Variants in UBTD2 observed in about 807,000 individuals in gnomAD.
UBTD2 encodes the protein ubiquitin domain-containing protein 2.
Under a neutral mutation model 19.8 loss-of-function variants are expected in UBTD2, and 9 were observed. The observed-to-expected ratio is 0.46, with a 90% CI of 0.27 to 0.79. The LOEUF is 0.79. Among genes scored for constraint, UBTD2 ranks in the 30% least tolerant of loss-of-function variants. UBTD2 has a pLI of 0.14. For synonymous variants in UBTD2, 98 were observed against 103.9 expected (o/e 0.94, Z 0.35); for missense variants, 250 against 300.4 (o/e 0.83, Z 1.24).
At chr5:172,214,006 G>C (rs1217427032) in intron 2 of UBTD2, among the ~76,000 whole-genome samples, 2 of 152,198 alleles carry the variant, frequency 1.3e-5, no homozygotes, top group Admixed American at 6.5e-5. Context: ...GGCTGTTCTT[G>C]AACTCCTGAC....
chr5:172,275,916 T>G (rs917643233), intron 1 of UBTD2, among the ~76,000 whole-genome samples: 1 of 152,220 alleles, frequency 6.6e-6, no homozygotes, highest in African/African-American at 2.4e-5. Flanking sequence ...ATTTTACTTC[T>G]CCTTTTCTCT....
At chr5:172,233,310 C>A (rs1223651328) in intron 2 of UBTD2, among the ~76,000 whole-genome samples, 1 of 152,010 alleles carries the variant, frequency 6.6e-6, no homozygotes, top group African/African-American at 2.4e-5. Flanking sequence ...TTACATAAAT[C>A]TGAAAAGACA....
intron 2 of UBTD2, among the ~76,000 whole-genome samples, chr5:172,231,518 A>G (rs900539042): frequency 6.6e-6 from 1 of 152,330 alleles, no homozygotes; most frequent in Middle Eastern, 3.4e-3. Context: ...TTCGGTCTTT[A>G]GTGATCTGAG....
At chr5:172,273,480 A>G (rs1444266064) in intron 1 of UBTD2, among the ~76,000 whole-genome samples, 1 of 149,332 alleles carries the variant, frequency 6.7e-6, no homozygotes, top group Non-Finnish European at 1.5e-5. Context: ...AATCCCGGCT[A>G]TTTCAGAGGC....
intron 1 of UBTD2, among the ~76,000 whole-genome samples, chr5:172,281,475 G>C (rs1354071611): frequency 6.6e-6 from 1 of 152,076 alleles, no homozygotes; most frequent in Non-Finnish European, 1.5e-5. Context: ...TCCAGCTTGG[G>C]CGATAAAGCA....
intron 1 of UBTD2, among the ~76,000 whole-genome samples, chr5:172,245,840 G>C (rs148634752): frequency 6.6e-6 from 1 of 152,338 alleles, no homozygotes; most frequent in African/African-American, 2.4e-5. Context: ...AGAACCACTA[G>C]CAACAAAAGG....
chr5:172,222,921 G>C (rs572693938), intron 2 of UBTD2, among the ~76,000 whole-genome samples: 35 of 152,164 alleles, frequency 2.3e-4, no homozygotes, highest in Non-Finnish European at 4.6e-4. Flanking sequence ...GATATTCTAG[G>C]TGCTAAGGTT....
At chr5:172,273,120 C>T (rs889678340) in intron 1 of UBTD2, among the ~76,000 whole-genome samples, 18 of 149,396 alleles carry the variant, frequency 1.2e-4, no homozygotes, top group Admixed American at 8.7e-4. Context: ...AAAATCTGTC[C>T]AAAGAAGAGG....
intron 1 of UBTD2, among the ~76,000 whole-genome samples, chr5:172,259,562 T>C (rs1755225149): frequency 1.3e-5 from 2 of 152,178 alleles, no homozygotes; most frequent in Admixed American, 6.6e-5. Context: ...ACTCTATGTA[T>C]ATATGTTGTA....
At chr5:172,227,761 A>G (rs1437289621) in intron 2 of UBTD2, among the ~76,000 whole-genome samples, 4 of 139,070 alleles carry the variant, frequency 2.9e-5, no homozygotes, top group Non-Finnish European at 6.0e-5. Context: ...CTGGAGTACA[A>G]CCTATGCCTC....
intron 1 of UBTD2, among the ~76,000 whole-genome samples, chr5:172,239,473 T>G (rs571301245): frequency 3.2e-4 from 49 of 151,938 alleles, no homozygotes; most frequent in African/African-American, 1.1e-3. Flanking sequence ...CAGGCTGGAG[T>G]GCAATGGCAT....
rs2113867366 is a variant in UBTD2 at position 172,210,292 on chromosome 5, T to C, written c.*1538A>G. 1 of 152,304 alleles carries C rather than the reference T, an allele frequency of 6.6e-6. No homozygotes were observed. The highest frequency in any genetic ancestry group is 6.5e-5 in the Admixed American group (1 of 15,290). 9.4% of individuals were successfully genotyped at this position (152,304 alleles called of 1,614,324 possible). On this transcript the variant is annotated 3_prime_UTR_variant, in exon 3 of 3. Coordinates refer to ENST00000393792, the MANE Select transcript of UBTD2 (RefSeq NM_152277.3). Reference sequence around the variant, plus strand: ...ACATTACATTTAAACTAATTAGCAGTTTCATTTTGTCATTAAAATTAATAA... The same window carrying C: ...ACATTACATTTAAACTAATTAGCAGCTTCATTTTGTCATTAAAATTAATAA...
rs996808297 is a variant in UBTD2, at chr5:172,219,546, G to A, written c.308-7319C>T. Among the ~76,000 whole-genome samples the A allele has an allele frequency of 2.6e-5, 4 of 152,134 alleles. 1 individual carries two copies. The highest frequency in any genetic ancestry group is 4.1e-4 in the South Asian group (2 of 4,830). On this transcript the variant is annotated intron_variant, in intron 2 of 2. Coordinates refer to ENST00000393792, the MANE Select transcript of UBTD2 (RefSeq NM_152277.3). Reference sequence around the variant, plus strand: ...TTATCAGATCAACAGTTGCATTATCGCAGTGCTTTAATGGCCCTAAAACAC... The same window carrying A: ...TTATCAGATCAACAGTTGCATTATCACAGTGCTTTAATGGCCCTAAAACAC...
chr5:172,228,721 CA>C (rs546522654), intron 2 of UBTD2, among the ~76,000 whole-genome samples: 72 of 143,424 alleles, frequency 5.0e-4, no homozygotes, highest in South Asian at 4.5e-3. Flanking sequence ...ACTCCGTCTC[CA>C]AAAAAAAAAC....
chr5:172,270,350 ATTTTTTTTT>A (rs758440849), intron 1 of UBTD2, among the ~76,000 whole-genome samples: 1 of 98,752 alleles, frequency 1.0e-5, no homozygotes, highest in African/African-American at 4.3e-5. Flanking sequence ...GAATTTTAGA[ATTTTTTTTT>A]TTTTTTTTTT....
intron 1 of UBTD2, among the ~76,000 whole-genome samples, chr5:172,235,499 A>G (rs1261001491): frequency 1.3e-5 from 2 of 152,190 alleles, no homozygotes; most frequent in African/African-American, 2.4e-5. Flanking sequence ...GGAGTAAAAG[A>G]GATAATCTTT....
chr5:172,237,864 G>A (rs952252715), intron 1 of UBTD2, among the ~76,000 whole-genome samples: 1 of 152,182 alleles, frequency 6.6e-6, no homozygotes, highest in Admixed American at 6.5e-5. Context: ...ACATCTTTAA[G>A]TCCTTTGGCA....
At chr5:172,225,150 A>C (rs1386202830) in intron 2 of UBTD2, among the ~76,000 whole-genome samples, 1 of 151,996 alleles carries the variant, frequency 6.6e-6, no homozygotes, top group East Asian at 1.9e-4. Context: ...GATGGCCACC[A>C]GGCTAAATAA....
chr5:172,246,751 CTTTTTTTTTTTT>C (rs70982379), intron 1 of UBTD2, among the ~76,000 whole-genome samples: 60 of 62,484 alleles, frequency 9.6e-4, no homozygotes, highest in Admixed American at 3.7e-3. Flanking sequence ...GCCGAGATTG[CTTTTTTTTTTTT>C]TTTTTTTTTT....
Sources: gnomAD v4.1 joint callset for allele counts (sites outside exome capture counted in the v4.1 genomes callset) on GRCh38, gnomAD v4.1.1 for gene constraint, MANE v1.5 for transcripts, NCBI Gene and HGNC (gene_info 2026-07-23, HGNC 2026-07-21) for gene names.